The following WDR64 variants were observed in gnomAD, a reference collection of about 807,000 sequenced individuals.
WDR64 encodes WD repeat-containing protein 64.
A neutral mutation model predicts 139.3 loss-of-function variants in WDR64; 112 were observed. The observed-to-expected ratio is 0.80, with a 90% CI of 0.69 to 0.94. The LOEUF (loss-of-function observed/expected upper bound fraction) is 0.94, where lower values mean the gene tolerates loss of function less well. Among genes scored for constraint, WDR64 ranks in the 40% least tolerant of loss-of-function variants. The pLI is 0.00. For missense variants in WDR64, 1,206 were observed against 1,293.1 expected (o/e 0.93, Z 1.03); for synonymous variants, 444 against 437.7 (o/e 1.01, Z -0.18).
rs1326186640 is a variant in WDR64 at position 241,790,617 on chromosome 1, T to C, written c.2918T>C (p.Leu973Pro). ...TGGAGAAAAATGAGCTCAGTGTCTC[T>C]ACTTTTCAAACGCACACCTCCCAAG... ...EKWRKMSSVS[L>P]LFKRTPPKAF... The change falls in exon 25 of 28, where the codon CTA becomes CCA. Residue 973 changes from leucine to proline, a missense_variant. Coordinates refer to ENST00000437684, the MANE Select transcript of WDR64 (RefSeq NM_001367482.1). 1.2e-6 allele frequency: 2 copies of C among 1,611,782 alleles called. No homozygotes were observed. Among genetic ancestry groups the C allele is most frequent in the South Asian group, 1.1e-5 (1 of 90,448 alleles).
intron 8 of WDR64, among the ~76,000 whole-genome samples, chr1:241,700,115 A>G (rs1323754493): frequency 2.0e-5 from 3 of 150,990 alleles, no homozygotes; most frequent in African/African-American, 7.3e-5. Flanking sequence ...ACAACTTACA[A>G]GAATTGGTGG....
chr1:241,783,503 A>T, intron 23 of WDR64, 122 bp downstream of exon 23: 1 of 696,412 alleles, frequency 1.4e-6, no homozygotes. Context: ...TAAATAAATA[A>T]GTAAATAGAT....
intron 1 of WDR64, among the ~76,000 whole-genome samples, chr1:241,653,910 T>C (rs540995780): frequency 2.0e-5 from 3 of 152,296 alleles, no homozygotes; most frequent in Non-Finnish European, 2.9e-5. Context: ...TTTTCGGTGA[T>C]TGGGAACTTG....
chr1:241,676,920 A>C lies in WDR64; in HGVS notation c.484-1267A>C, dbSNP rs75067743. The stretch of plus-strand genomic sequence containing the variant: ...TTTAAGATTTAATACAGCAGGAATA[A>C]TATTGTTTTGATTGTTGCAAGCCTT... On this transcript the variant is annotated intron_variant, in intron 4 of 27. Transcript: ENST00000437684. Among the ~76,000 whole-genome samples, 1,035 of 152,222 alleles carry C rather than the reference A, an allele frequency of 6.8e-3. 12 individuals carry two copies. Among genetic ancestry groups the C allele is most frequent in the Middle Eastern group, 0.014 (4 of 292 alleles).
At chr1:241,799,869 T>A (rs1659472466) in intron 27 of WDR64, among the ~76,000 whole-genome samples, 1 of 152,210 alleles carries the variant, frequency 6.6e-6, no homozygotes, top group Admixed American at 6.5e-5. Flanking sequence ...CTCTGATCAC[T>A]ACATGACATT....
chr1:241,790,360 A>C (rs947300270), intron 24 of WDR64, among the ~76,000 whole-genome samples: 2 of 152,138 alleles, frequency 1.3e-5, no homozygotes, highest in Non-Finnish European at 2.9e-5. Flanking sequence ...CAAAAAATAT[A>C]AAAATAAATA....
At position 241,796,364 on chromosome 1, in the gene WDR64, T is replaced by A; in HGVS notation, c.3186T>A (p.Arg1062=). 1 of 1,609,926 alleles carries A rather than the reference T, an allele frequency of 6.2e-7. No homozygotes were observed. Among genetic ancestry groups the A allele is most frequent in the Admixed American group, 1.7e-5 (1 of 59,878 alleles). The change falls in exon 27 of 28, where the codon CGT becomes CGA. Residue 1062 remains arginine (R), a synonymous_variant. Coordinates refer to ENST00000437684, the MANE Select transcript of WDR64 (RefSeq NM_001367482.1). ...AGAAGAAGGGAGGTCATGTTCAACG[T>A]GAAAAAGTAAGTTAGTACTAATTCC... ...TGKKKGGHVQ[R]EKAPRRRSLK... is the part of the protein sequence containing the mutation.
chr1:241,705,689 G>A (rs1311260174), intron 8 of WDR64, among the ~76,000 whole-genome samples: 1 of 152,074 alleles, frequency 6.6e-6, no homozygotes, highest in African/African-American at 2.4e-5. Context: ...CTGGGATCAA[G>A]CAATCCTCCT....
chr1:241,774,867 C>T (rs982266874), intron 20 of WDR64, among the ~76,000 whole-genome samples: 1 of 152,058 alleles, frequency 6.6e-6, no homozygotes, highest in Non-Finnish European at 1.5e-5. Flanking sequence ...ATATAATACT[C>T]AAGAGTCTAG....
At chr1:241,793,089 G>A (rs1659254366) in intron 25 of WDR64, among the ~76,000 whole-genome samples, 1 of 152,134 alleles carries the variant, frequency 6.6e-6, no homozygotes, top group South Asian at 2.1e-4. Flanking sequence ...CAGGAATGAT[G>A]GTTTGAAGCA....
intron 2 of WDR64, among the ~76,000 whole-genome samples, chr1:241,664,954 T>G (rs1665974040): frequency 1.3e-5 from 2 of 152,086 alleles, no homozygotes; most frequent in African/African-American, 4.8e-5. Context: ...CCCAGCACTT[T>G]GAGAGGCCAA....
rs752535382 is a variant in WDR64 at position 241,802,568 on chromosome 1, T to C, written c.*1353T>C. ...GTGAATTTTTTCAAAAAATTAAGAA[T>C]TGTAAACTAATATTCTCATTGATAT... On this transcript the variant is annotated 3_prime_UTR_variant, in exon 28 of 28. Coordinates refer to ENST00000437684, the MANE Select transcript of WDR64 (RefSeq NM_001367482.1). Among the ~76,000 whole-genome samples the C allele has an allele frequency of 6.6e-6, 1 of 152,208 alleles. No homozygotes were observed.
chr1:241,789,953 T>A (rs1288732802), intron 24 of WDR64, among the ~76,000 whole-genome samples: 2 of 152,192 alleles, frequency 1.3e-5, no homozygotes, highest in Admixed American at 1.3e-4. Context: ...AAGGGAAGCC[T>A]CCTTGAATCA....
intron 13 of WDR64, among the ~76,000 whole-genome samples, chr1:241,747,155 C>T (rs914428428): frequency 1.3e-5 from 2 of 152,146 alleles, no homozygotes; most frequent in South Asian, 2.1e-4. Context: ...CAAATAGTGA[C>T]GGCGGGGGTG....
At chr1:241,777,449 G>A (rs1469926981) in intron 21 of WDR64, among the ~76,000 whole-genome samples, 8 of 147,728 alleles carry the variant, frequency 5.4e-5, no homozygotes, top group African/African-American at 2.0e-4. Context: ...ACAGAGTCTC[G>A]CTCTATTGCT....
intron 11 of WDR64, among the ~76,000 whole-genome samples, chr1:241,739,435 T>C (rs1247421752): frequency 6.6e-6 from 1 of 152,188 alleles, no homozygotes; most frequent in Non-Finnish European, 1.5e-5. Context: ...ATTTTTGACA[T>C]TCAGTGTTTT....
In WDR64 at chr1:241,703,176, A is replaced by T. The variant is rs567761756; in HGVS notation, c.975-8626A>T. Reference sequence around the variant, plus strand: ...CACCAACTACCTCACCGTCACCGGGAGAAAATATCGAGGGACTCTGCTGAC... The same window carrying T: ...CACCAACTACCTCACCGTCACCGGGTGAAAATATCGAGGGACTCTGCTGAC... On this transcript the variant is annotated intron_variant, in intron 8 of 27. Coordinates refer to ENST00000437684, the MANE Select transcript of WDR64 (RefSeq NM_001367482.1). The surrounding 1 kb of genome is among the most constrained non-coding windows in gnomAD (Gnocchi z 5.9). Among the ~76,000 whole-genome samples the T allele has an allele frequency of 1.2e-4, 19 of 152,266 alleles. No homozygotes were observed. In the East Asian group the frequency reaches 3.5e-3, roughly 28 times the overall value.
At chr1:241,675,123 C>CCTTCCTTCCTCCCTCCCTCCTTCCTTCCT (rs1427164669) in intron 4 of WDR64, among the ~76,000 whole-genome samples, 1 of 17,298 alleles carries the variant, frequency 5.8e-5, no homozygotes, top group African/African-American at 3.8e-4. Flanking sequence ...CTCCCTCCCT[C>CCTTCCTTCCTCCCTCCCTCCTTCCTTCCT]CTTCCCTCCT....
At chr1:241,787,715 T>C (rs1445894029) in intron 23 of WDR64, 134 bp from the exon 24 acceptor site, 4 of 662,238 alleles carry the variant, frequency 6.0e-6, no homozygotes, top group African/African-American at 3.8e-5. Flanking sequence ...CAGTATTTCA[T>C]AGAAAGGGTC....
Sources: gnomAD v4.1 joint callset for allele counts (sites outside exome capture counted in the v4.1 genomes callset) on GRCh38, gnomAD v4.1.1 for gene constraint, Gnocchi (gnomAD v3.1) non-coding constraint, MANE v1.5 for transcripts, NCBI Gene and HGNC (gene_info 2026-07-23, HGNC 2026-07-21) for gene names.